The following MBD6 variants were observed in gnomAD, a reference collection of about 807,000 sequenced individuals.
The protein encoded by MBD6 is methyl-CpG-binding domain protein 6.
MBD6 carries 22 observed loss-of-function variants against 66.8 expected under a neutral mutation model. The observed-to-expected ratio is 0.33, with a 90% CI of 0.24 to 0.47. The LOEUF (loss-of-function observed/expected upper bound fraction) is 0.47. Among genes scored for constraint, MBD6 ranks in the 20% least tolerant of loss-of-function variants. The probability of loss-of-function intolerance (pLI) is 1.00; values close to 1 mark genes in which losing one functional copy is unlikely to be tolerated. For missense variants in MBD6, 1,322 were observed against 1,286.9 expected (o/e 1.03, Z -0.42); for synonymous variants, 540 against 534.6 (o/e 1.01, Z -0.14).
Position 57,525,902 on chromosome 12 carries a change from G to A in MBD6, c.934G>A (p.Gly312Arg). The A allele has an allele frequency of 1.9e-6, 3 of 1,613,034 alleles. No homozygotes were observed. The highest frequency in any genetic ancestry group is 1.1e-5 in the South Asian group (1 of 91,044). Residue 312 changes from glycine (G) to arginine (R), a missense_variant, in exon 6 of 13, where the codon GGG becomes AGG. By Grantham distance (125) the Gly-to-Arg change is moderately radical. Transcript: ENST00000355673. ...CCTGGGAGGGGCCCCCACGGTGGAGGGGCCTGGGGCACCCCCCTTCCTTGC... is the reference window on the plus strand; with the variant it reads ...CCTGGGAGGGGCCCCCACGGTGGAGAGGCCTGGGGCACCCCCCTTCCTTGC... The part of the protein sequence containing the change: ...GPLGGAPTVE[G>R]PGAPPFLASS...
In MBD6 at chr12:57,529,427, C is replaced by T; in HGVS notation, c.*193C>T. 4 of 438,688 alleles carry T rather than the reference C, an allele frequency of 9.1e-6. No individual in the cohort carries two copies. Among genetic ancestry groups the T allele is most frequent in the Admixed American group, 3.8e-5 (1 of 26,620 alleles). 27.2% of individuals were successfully genotyped at this position (438,688 alleles called of 1,614,324 possible). ...GGGGGCAGGGAAGTTCACCCCCCCC[C>T]ACCACCCCCCCGCCCCCCCGAAGCC... On this transcript the variant is annotated 3_prime_UTR_variant, in exon 13 of 13. Coordinates refer to ENST00000355673, the MANE Select transcript of MBD6 (RefSeq NM_052897.4).
At chr12:57,524,655 C>G in intron 3 of MBD6, 65 bp from the exon 4 acceptor site, 1 of 1,429,952 alleles carries the variant, frequency 7.0e-7, no homozygotes, top group South Asian at 1.1e-5. Flanking sequence ...AAGCACTGTG[C>G]TTTAGGAGTA....
rs763676413 is a variant in MBD6, at chr12:57,527,878, G to T, written c.2267G>T (p.Gly756Val). 2 of 1,613,724 alleles carry T rather than the reference G, an allele frequency of 1.2e-6. No individual in the cohort carries two copies. The highest frequency in any genetic ancestry group is 1.7e-6 in the Non-Finnish European group (2 of 1,179,966). Residue 756 changes from glycine (G) to valine (V), a missense_variant, in exon 9 of 13, where the codon GGA (glycine) becomes GTA (valine). By Grantham distance (109) the Gly-to-Val change is moderately radical (BLOSUM62 -3). Coordinates refer to ENST00000355673, the MANE Select transcript of MBD6 (RefSeq NM_052897.4). Reference protein sequence around the residue: ...GDLSSLTSSPGALPSLLQPPG... With the variant: ...GDLSSLTSSPVALPSLLQPPG... ...CTGTCTTCACTGACCAGCAGCCCTG[G>T]AGCCCTCCCCAGCCTGTTGCAGCCT...
intron 1 of MBD6, chr12:57,523,241 C>T (rs982296106): frequency 6.6e-6 from 1 of 151,172 alleles, no homozygotes; most frequent in East Asian, 1.9e-4. Flanking sequence ...CTTCCTACTT[C>T]GTGCGCCTTC....
Position 57,526,641 on chromosome 12 carries a change from T to G in MBD6, c.1496T>G (p.Leu499Arg), listed in dbSNP as rs1476333043. The change falls in exon 7 of 13, where the codon CTG becomes CGG. Residue 499 changes from leucine (L) to arginine (R), a missense_variant. Physicochemically the swap from Leu to Arg is moderately radical, Grantham distance 102 (BLOSUM62 -2). Transcript: ENST00000355673. The stretch of plus-strand genomic sequence containing the variant: ...GTGCTTCAAAGCCCATCCGAAGGAC[T>G]GGGGATGGGGGCAGGCCCGGCCTGC... ...SPVLQSPSEG[L>R]GMGAGPACPL... 6.6e-7 allele frequency: 1 copy of G among 1,514,764 alleles called. No homozygotes were observed. The highest frequency in any genetic ancestry group is 2.3e-5 in the Admixed American group (1 of 43,878). 93.8% of individuals were successfully genotyped at this position (1,514,764 alleles called of 1,614,324 possible).
downstream of MBD6, chr12:57,530,625 T>G: frequency 7.2e-7 from 1 of 1,379,794 alleles, no homozygotes; most frequent in Non-Finnish European, 1.0e-6. Flanking sequence ...GGAAACCCTA[T>G]GTAAGCTGTT....
chr12:57,528,507 G>T lies in MBD6; in HGVS notation c.2767G>T (p.Gly923Cys). The T allele has an allele frequency of 6.2e-7, 1 of 1,613,866 alleles. No individual in the cohort carries two copies. Among genetic ancestry groups the T allele is most frequent in the Non-Finnish European group, 8.5e-7 (1 of 1,179,912 alleles). Residue 923 changes from glycine to cysteine, a missense_variant, in exon 10 of 13, where the codon GGT becomes TGT. Transcript: ENST00000355673. ...GCATAATGGGGAGCTGGCTGAAGGGGGTGCTGAGCCCAAGGATCCACCCCC... is the reference window on the plus strand; with the variant it reads ...GCATAATGGGGAGCTGGCTGAAGGGTGTGCTGAGCCCAAGGATCCACCCCC... ...WQHNGELAEG[G>C]AEPKDPPPPG...
rs567600034 is a variant in MBD6 at position 57,527,149 on chromosome 12, A to G, written c.2004A>G (p.Ser668=). ...DLSPLLFPPL[S]APPTLIALNS... is the part of the protein sequence containing the mutation. ...CCCCCCTACTTTTCCCCCCACTTTC[A>G]GCCCCCCCTACCCTCATAGCTTTAA... Residue 668 remains serine (S), a synonymous_variant, in exon 7 of 13, where the codon TCA becomes TCG. Transcript: ENST00000355673. The G allele has an allele frequency of 1.4e-6, 2 of 1,465,328 alleles. No homozygotes were observed. Among genetic ancestry groups the G allele is most frequent in the Admixed American group, 4.0e-5 (2 of 49,942 alleles). 90.8% of individuals were successfully genotyped at this position (1,465,328 alleles called of 1,614,324 possible). A position where few individuals can be genotyped will look rare whatever the true frequency, so the allele number is the denominator to read the frequency against.
upstream of MBD6, chr12:57,522,685 G>GGGCCC (rs1878444230): frequency 6.6e-6 from 1 of 151,778 alleles, no homozygotes; most frequent in African/African-American, 2.4e-5. Context: ...CGCTGGGCGG[G>GGGCCC]GGCCCGGCCC....
chr12:57,527,254 C>A, intron 7 of MBD6, 27 bp downstream of exon 7: 1 of 1,397,992 alleles, frequency 7.2e-7, no homozygotes, highest in Non-Finnish European at 9.6e-7. Flanking sequence ...GTAGGTGGGA[C>A]AGAACAAGAT....
intron 6 of MBD6, 47 bp from the exon 7 acceptor site, chr12:57,526,519 T>G: frequency 6.6e-7 from 1 of 1,513,152 alleles, no homozygotes. Flanking sequence ...CTTTGGATGA[T>G]GGGAGAAAGG....
At chr12:57,522,403 G>A (rs1878413441), upstream of MBD6, among the ~76,000 whole-genome samples, 2 of 152,210 alleles carry the variant, frequency 1.3e-5, no homozygotes, top group Admixed American at 1.3e-4. Context: ...GCGGGGCAGG[G>A]CAAGTCGCGA....
rs1015636367 is a variant in MBD6, at chr12:57,527,946, C to T, written c.2335C>T (p.Pro779Ser). 10 of 1,601,298 alleles carry T rather than the reference C, an allele frequency of 6.2e-6. No homozygotes were observed. The African/African-American group carries it at 1.1e-4, about 17-fold the overall frequency. The change falls in exon 9 of 13, where the codon CCT becomes TCT. Residue 779 changes from proline (P) to serine (S), a missense_variant. Coordinates refer to ENST00000355673, the MANE Select transcript of MBD6 (RefSeq NM_052897.4). The part of the protein sequence containing the change: ...LSGQLGLQLL[P>S]GGGAPPPLSE... Reference sequence around the variant, plus strand: ...TGGCCAGTTGGGGCTGCAGCTCCTCCCTGGGGGGGGAGCTCCTCCACCCCT... The same window carrying T: ...TGGCCAGTTGGGGCTGCAGCTCCTCTCTGGGGGGGGAGCTCCTCCACCCCT...
Position 57,527,601 on chromosome 12 carries a change from C to T in MBD6, c.2177C>T (p.Pro726Leu). 1.2e-6 allele frequency: 2 copies of T among 1,613,792 alleles called. No homozygotes were observed. The highest frequency in any genetic ancestry group is 1.1e-5 in the South Asian group (1 of 91,058). Residue 726 changes from proline (P) to leucine (L), a missense_variant, in exon 8 of 13, where the codon CCC becomes CTC. Physicochemically the swap from Pro to Leu is moderately conservative, Grantham distance 98. Coordinates refer to ENST00000355673, the MANE Select transcript of MBD6 (RefSeq NM_052897.4). ...DPGASSLGKAPSNSGRPPQLL... is the reference protein window; with the variant it reads ...DPGASSLGKALSNSGRPPQLL... ...GGGGCCTCCTCTCTGGGCAAGGCCC[C>T]CTCCAACTCAGGGAGACCCCCCCAA... is the stretch of plus-strand genomic sequence containing the variant.
rs1389259497 is a variant in MBD6 at position 57,528,710 on chromosome 12, A to G, written c.2865A>G (p.Arg955=). The G allele has an allele frequency of 1.2e-6, 2 of 1,614,020 alleles. No individual in the cohort carries two copies. The highest frequency in any genetic ancestry group is 2.7e-5 in the African/African-American group (2 of 74,908). Residue 955 remains arginine, a synonymous_variant, in exon 11 of 13, where the codon AGA becomes AGG. Transcript: ENST00000355673. ...GAAAGTCTCGTCGTGGCCGTAGGAG[A>G]AAATACAAGTGAGTGTTGGGCCTAC... ...VVRKSRRGRR[R]KYNPTRNSNS...
At chr12:57,523,790 A>G (rs1001296847) in intron 1 of MBD6, among the ~76,000 whole-genome samples, 1 of 152,180 alleles carries the variant, frequency 6.6e-6, no homozygotes, top group Non-Finnish European at 1.5e-5. Flanking sequence ...CTTGCCCTTC[A>G]TATGCCTAAG....
At chr12:57,522,539 G>C (rs1200243494), upstream of MBD6, among the ~76,000 whole-genome samples, 1 of 151,318 alleles carries the variant, frequency 6.6e-6, no homozygotes, top group African/African-American at 2.4e-5. Flanking sequence ...CTGGGAAGAG[G>C]CGCAGATCCT....
Position 57,526,391 on chromosome 12 carries a change from A to G in MBD6, c.1420+3A>G. On this transcript the variant is annotated splice_donor_region_variant and intron_variant, in intron 6 of 12. Coordinates refer to ENST00000355673, the MANE Select transcript of MBD6 (RefSeq NM_052897.4). ...TGGCAGCCTCAGCAGTGTGCCAGGTATGTGAGTATTGTGGAGCCCTTCCTC... is the reference window on the plus strand; with the variant it reads ...TGGCAGCCTCAGCAGTGTGCCAGGTGTGTGAGTATTGTGGAGCCCTTCCTC... The G allele has an allele frequency of 6.3e-7, 1 of 1,576,316 alleles. No individual in the cohort carries two copies. The highest frequency in any genetic ancestry group is 8.6e-7 in the Non-Finnish European group (1 of 1,161,118).
At position 57,525,529 on chromosome 12, in the gene MBD6, A is replaced by G. The variant is rs1200079465; in HGVS notation, c.561A>G (p.Pro187=). The G allele has an allele frequency of 1.9e-6, 3 of 1,591,298 alleles. No homozygotes were observed. The highest frequency in any genetic ancestry group is 2.6e-6 in the Non-Finnish European group (3 of 1,169,426). ...TLAGPGGLFP[P]RLADPVPSGG... ...CAGGCCCTGGGGGGCTTTTCCCCCCAAGGCTTGCTGACCCAGTCCCTTCTG... is the reference window on the plus strand; with the variant it reads ...CAGGCCCTGGGGGGCTTTTCCCCCCGAGGCTTGCTGACCCAGTCCCTTCTG... The change falls in exon 6 of 13, where the codon CCA becomes CCG. Residue 187 remains proline, a synonymous_variant. Transcript: ENST00000355673.
Sources: allele counts gnomAD v4.1 joint callset (sites outside exome capture counted in the v4.1 genomes callset), GRCh38; gene constraint gnomAD v4.1.1; transcripts MANE v1.5; gene names NCBI Gene and HGNC (gene_info 2026-07-23, HGNC 2026-07-21).